KMT2C: variants seen among roughly 807,000 people sequenced by gnomAD.
KMT2C encodes the protein histone-lysine N-methyltransferase 2C.
In KMT2C, 88 loss-of-function variants were observed where a neutral mutation model predicts 507.9. The observed-to-expected ratio is 0.17, with a 90% CI of 0.15 to 0.21. The LOEUF (loss-of-function observed/expected upper bound fraction) is 0.21. Among genes scored for constraint, KMT2C ranks in the 10% least tolerant of loss-of-function variants. The pLI, the probability that KMT2C is intolerant of heterozygous loss-of-function variation, is 1.00. For synonymous variants in KMT2C, 2,049 were observed against 2,080.8 expected, an observed-to-expected ratio of 0.98 and a Z score of 0.42; for missense variants, 4,954 against 5,957.8, an observed-to-expected ratio of 0.83 and a Z score of 5.55.
chr7:152,203,507 C>G (rs1199773584), intron 25 of KMT2C, among the ~76,000 whole-genome samples: 3 of 151,848 alleles, frequency 2.0e-5, no homozygotes, highest in Non-Finnish European at 2.9e-5. Context: ...ATTCCAAGTT[C>G]AGAAATTTAT....
At chr7:152,234,984 G>C (rs867468158) in intron 16 of KMT2C, among the ~76,000 whole-genome samples, 1 of 152,054 alleles carries the variant, frequency 6.6e-6, no homozygotes, top group Non-Finnish European at 1.5e-5. Flanking sequence ...GTTAACAAAT[G>C]CAACAGCACA....
intron 42 of KMT2C, among the ~76,000 whole-genome samples, chr7:152,164,291 AT>A (rs879896015): frequency 0.046 from 6,520 of 142,500 alleles, 348 homozygotes; most frequent in African/African-American, 0.14. Flanking sequence ...ATTGTACAAC[AT>A]TTTTTTTTTT....
intron 18 of KMT2C, among the ~76,000 whole-genome samples, chr7:152,226,219 CT>C (rs869076803): frequency 0.017 from 1,600 of 94,822 alleles, 1 homozygote; most frequent in African/African-American, 0.051. Flanking sequence ...ATTACAAGGC[CT>C]TTTTTTTTTT....
intron 37 of KMT2C, among the ~76,000 whole-genome samples, chr7:152,179,430 G>A (rs1206688846): frequency 1.3e-5 from 2 of 152,146 alleles, no homozygotes; most frequent in Non-Finnish European, 2.9e-5. Context: ...CATCATTAAG[G>A]GTGCAAGGTA....
chr7:152,269,977 A>G (rs796539876), intron 7 of KMT2C, among the ~76,000 whole-genome samples: 1 of 152,242 alleles, frequency 6.6e-6, no homozygotes, highest in Non-Finnish European at 1.5e-5. Flanking sequence ...ACTTAAGAAA[A>G]TCCAGACAAC....
chr7:152,151,956 A>G (rs143885455), intron 49 of KMT2C, among the ~76,000 whole-genome samples: 1 of 152,258 alleles, frequency 6.6e-6, no homozygotes, highest in African/African-American at 2.4e-5. Flanking sequence ...ATACAATGAC[A>G]TATGTATAAG....
At chr7:152,146,516 C>A in intron 53 of KMT2C, 83 bp downstream of exon 53, 1 of 1,374,710 alleles carries the variant, frequency 7.3e-7, no homozygotes, top group Non-Finnish European at 1.0e-6. Context: ...TGAAGAGTGC[C>A]ACAAATGTTA....
At chr7:152,174,416 T>C (rs144949383) in intron 38 of KMT2C, among the ~76,000 whole-genome samples, 174 bp from the exon 39 acceptor site, 1 of 152,240 alleles carries the variant, frequency 6.6e-6, no homozygotes, top group Non-Finnish European at 1.5e-5. Flanking sequence ...AACTGAATCA[T>C]GCTTTAATAC....
chr7:152,383,600 G>T (rs1485475999), intron 1 of KMT2C, among the ~76,000 whole-genome samples: 1 of 152,192 alleles, frequency 6.6e-6, no homozygotes, highest in East Asian at 1.9e-4. Flanking sequence ...ACTTAGATAA[G>T]AAGGGGGTCA....
intron 44 of KMT2C, among the ~76,000 whole-genome samples, chr7:152,157,315 G>A (rs1197406412): frequency 4.2e-5 from 6 of 142,268 alleles, no homozygotes; most frequent in East Asian, 2.0e-4. Flanking sequence ...GTGACAGAGC[G>A]AGACCCTGTC....
intron 6 of KMT2C, among the ~76,000 whole-genome samples, chr7:152,275,496 A>C (rs1039550879): frequency 1.3e-5 from 2 of 152,190 alleles, no homozygotes; most frequent in Non-Finnish European, 2.9e-5. Context: ...CTGTTGTGAC[A>C]CTTTAATTTT....
intron 6 of KMT2C, among the ~76,000 whole-genome samples, chr7:152,309,307 A>T (rs1451994301): frequency 1.3e-5 from 2 of 149,550 alleles, no homozygotes; most frequent in East Asian, 3.9e-4. Context: ...TGGCTTACAC[A>T]AATTAATTTT....
chr7:152,254,571 G>C (rs2095614444), intron 9 of KMT2C, among the ~76,000 whole-genome samples: 1 of 152,114 alleles, frequency 6.6e-6, no homozygotes. Context: ...AAATGGATGG[G>C]TATTTCTCTA....
chr7:152,170,025 G>A (rs2092892452), intron 40 of KMT2C, among the ~76,000 whole-genome samples: 1 of 152,092 alleles, frequency 6.6e-6, no homozygotes, highest in Non-Finnish European at 1.5e-5. Flanking sequence ...AACATGAGCT[G>A]TATACAAGGT....
intron 6 of KMT2C, among the ~76,000 whole-genome samples, chr7:152,309,050 A>G (rs1244613926): frequency 6.6e-6 from 1 of 152,116 alleles, no homozygotes; most frequent in Non-Finnish European, 1.5e-5. Context: ...AACTAAAAAA[A>G]TTTTTTTAAT....
intron 2 of KMT2C, among the ~76,000 whole-genome samples, chr7:152,331,791 G>A (rs2096886708): frequency 6.6e-6 from 1 of 151,634 alleles, no homozygotes; most frequent in Non-Finnish European, 1.5e-5. Context: ...TGGGATGACA[G>A]GCGCCCACCA....
intron 1 of KMT2C, among the ~76,000 whole-genome samples, chr7:152,418,559 C>T (rs559672662): frequency 3.9e-5 from 6 of 152,054 alleles, no homozygotes; most frequent in East Asian, 3.9e-4. Context: ...GCCTCCTGAG[C>T]AGCTGAAGAC....
intron 2 of KMT2C, among the ~76,000 whole-genome samples, chr7:152,341,928 A>G (rs2096998043): frequency 6.6e-6 from 1 of 152,142 alleles, no homozygotes; most frequent in Non-Finnish European, 1.5e-5. Context: ...AATATCACTA[A>G]AGTTTCTATT....
intron 2 of KMT2C, among the ~76,000 whole-genome samples, chr7:152,345,343 G>A (rs1307683184): frequency 6.6e-6 from 1 of 152,174 alleles, no homozygotes; most frequent in East Asian, 1.9e-4. Context: ...TTGCGAAGCT[G>A]AGGTGCGAGG....
Sources: gnomAD v4.1 joint callset for allele counts (sites outside exome capture counted in the v4.1 genomes callset) on GRCh38, gnomAD v4.1.1 for gene constraint, MANE v1.5 for transcripts, NCBI Gene and HGNC (gene_info 2026-07-23, HGNC 2026-07-21) for gene names.